Variants in NMNAT3 observed in about 807,000 individuals in gnomAD.
NMNAT3 encodes nicotinamide/nicotinic acid mononucleotide adenylyltransferase 3.
In NMNAT3, 21 loss-of-function variants were observed where a neutral mutation model predicts 24.8. The ratio of observed to expected loss-of-function variants is 0.85; its 90% CI spans 0.60 to 1.22. NMNAT3 has a LOEUF of 1.22. Among genes scored for constraint, NMNAT3 ranks in the 50% most tolerant of loss-of-function variants. The pLI, the probability that NMNAT3 is intolerant of heterozygous loss-of-function variation, is 0.00. For synonymous variants in NMNAT3, 136 were observed against 155.2 expected, an observed-to-expected ratio of 0.88 and a Z score of 0.92; for missense variants, 387 against 436.6, an observed-to-expected ratio of 0.89 and a Z score of 1.01.
chr3:139,654,479 T>C (rs774753639), intron 1 of NMNAT3, among the ~76,000 whole-genome samples: 18 of 152,220 alleles, frequency 1.2e-4, no homozygotes, highest in Non-Finnish European at 2.2e-4. Flanking sequence ...CCGAAAGCAT[T>C]TGTGTGCCCT....
chr3:139,616,164 C>T (rs79909433), intron 3 of NMNAT3, among the ~76,000 whole-genome samples: 13,834 of 151,480 alleles, frequency 0.091, 827 homozygotes, highest in Middle Eastern at 0.28. Flanking sequence ...GCCATTCTCC[C>T]AGATATCACC....
At chr3:139,584,284 A>G (rs1036559614) in intron 3 of NMNAT3, 2 of 155,722 alleles carry the variant, frequency 1.3e-5, no homozygotes, top group Non-Finnish European at 1.5e-5. Flanking sequence ...GTCCTCCTCT[A>G]TCGGGGATGG....
intron 1 of NMNAT3, among the ~76,000 whole-genome samples, chr3:139,647,941 C>T (rs752228977): frequency 1.3e-5 from 2 of 152,216 alleles, no homozygotes; most frequent in Admixed American, 6.5e-5. Context: ...CAAAAGCTAT[C>T]CCCCAGATTC....
At chr3:139,671,086 G>A (rs900928418) in intron 1 of NMNAT3, among the ~76,000 whole-genome samples, 2 of 152,108 alleles carry the variant, frequency 1.3e-5, no homozygotes, top group Admixed American at 1.3e-4. Flanking sequence ...AAAGATCATT[G>A]TTTAATTTGG....
At chr3:139,588,345 C>A (rs1196351652) in intron 3 of NMNAT3, among the ~76,000 whole-genome samples, 1 of 152,156 alleles carries the variant, frequency 6.6e-6, no homozygotes, top group Non-Finnish European at 1.5e-5. Context: ...TGAAGATATA[C>A]CATCCCTACA....
At chr3:139,571,298 G>C (rs754500440) in intron 6 of NMNAT3, 1 of 152,278 alleles carries the variant, frequency 6.6e-6, no homozygotes, top group African/African-American at 2.4e-5. Flanking sequence ...TGTGCTTCCC[G>C]GGTGAGGCAA....
chr3:139,628,332 C>G (rs1173303947), intron 2 of NMNAT3, among the ~76,000 whole-genome samples: 1 of 152,242 alleles, frequency 6.6e-6, no homozygotes, highest in Non-Finnish European at 1.5e-5. Flanking sequence ...CTTTATCACT[C>G]TCTTTCCACA....
At chr3:139,562,165 G>A (rs1559844745) in intron 6 of NMNAT3, among the ~76,000 whole-genome samples, 1 of 152,130 alleles carries the variant, frequency 6.6e-6, no homozygotes, top group African/African-American at 2.4e-5. Flanking sequence ...TATGGAGGGG[G>A]CAACTGAGGC....
At chr3:139,605,732 T>G (rs2108234450) in intron 3 of NMNAT3, among the ~76,000 whole-genome samples, 1 of 152,276 alleles carries the variant, frequency 6.6e-6, no homozygotes, top group South Asian at 2.1e-4. Flanking sequence ...TTTTTTATGT[T>G]TTTGGTGCTT....
At chr3:139,659,830 G>A (rs533806802) in intron 1 of NMNAT3, among the ~76,000 whole-genome samples, 1 of 152,222 alleles carries the variant, frequency 6.6e-6, no homozygotes, top group East Asian at 1.9e-4. Flanking sequence ...AGCGTGCAAC[G>A]CAGGATGAGA....
chr3:139,588,503 C>G (rs1228815246), intron 3 of NMNAT3, among the ~76,000 whole-genome samples: 1 of 152,030 alleles, frequency 6.6e-6, no homozygotes, highest in African/African-American at 2.4e-5. Context: ...CACTGGAGAG[C>G]TGATAAAAAT....
At chr3:139,636,917 C>T (rs1049001578) in intron 2 of NMNAT3, 1 of 152,186 alleles carries the variant, frequency 6.6e-6, no homozygotes, top group Non-Finnish European at 1.5e-5. Flanking sequence ...GGCAAGAAGC[C>T]TCACTCCCAA....
intron 1 of NMNAT3, among the ~76,000 whole-genome samples, chr3:139,645,218 A>C (rs1415230447): frequency 1.3e-5 from 2 of 152,142 alleles, no homozygotes; most frequent in Non-Finnish European, 2.9e-5. Context: ...GAAAAAAAGA[A>C]AAATACAGCT....
intron 3 of NMNAT3, among the ~76,000 whole-genome samples, chr3:139,619,217 A>T (rs1354793380): frequency 6.6e-6 from 1 of 152,156 alleles, no homozygotes; most frequent in Non-Finnish European, 1.5e-5. Flanking sequence ...TGCTTGGAAG[A>T]TGCAGTAAAT....
intron 2 of NMNAT3, chr3:139,636,043 G>T (rs1014162884): frequency 6.6e-6 from 1 of 152,180 alleles, no homozygotes; most frequent in Non-Finnish European, 1.5e-5. Context: ...GAGAAAACCA[G>T]GACTTGATGA....
intron 3 of NMNAT3, among the ~76,000 whole-genome samples, chr3:139,611,248 G>C (rs560770712): frequency 3.1e-4 from 47 of 152,290 alleles, no homozygotes; most frequent in Non-Finnish European, 4.9e-4. Flanking sequence ...ATGTTAACCT[G>C]TCTGGTCATG....
chr3:139,611,753 A>G (rs1973426), intron 3 of NMNAT3, among the ~76,000 whole-genome samples: 141,540 of 152,304 alleles, frequency 0.93, 66,691 homozygotes, highest in East Asian at 1. Flanking sequence ...GGCCTCCTGT[A>G]TCCTGCCCGT....
chr3:139,620,210 T>C (rs1175702942), intron 3 of NMNAT3, among the ~76,000 whole-genome samples: 1 of 151,738 alleles, frequency 6.6e-6, no homozygotes, highest in Admixed American at 6.6e-5. Flanking sequence ...CTTTTTTTTT[T>C]TTTTTTAAAG....
chr3:139,666,099 G>A (rs1297190043), intron 1 of NMNAT3, among the ~76,000 whole-genome samples: 1 of 152,212 alleles, frequency 6.6e-6, no homozygotes, highest in Non-Finnish European at 1.5e-5. Flanking sequence ...CAGACATGTT[G>A]GAGACCTGTG....
Sources: gnomAD v4.1 joint callset for allele counts (sites outside exome capture counted in the v4.1 genomes callset) on GRCh38, gnomAD v4.1.1 for gene constraint, MANE v1.5 for transcripts, NCBI Gene and HGNC (gene_info 2026-07-23, HGNC 2026-07-21) for gene names.